YWHAQ: variants seen among roughly 807,000 people sequenced by gnomAD.
YWHAQ encodes the protein 14-3-3 protein theta.
YWHAQ carries 6 observed loss-of-function variants against 28.3 expected under a neutral mutation model. The ratio of observed to expected loss-of-function variants is 0.21; its 90% CI spans 0.12 to 0.42. YWHAQ has a LOEUF of 0.42. Among genes scored for constraint, YWHAQ ranks in the 10% least tolerant of loss-of-function variants. YWHAQ has a pLI of 1.00. For missense variants in YWHAQ, 201 were observed against 305.6 expected (o/e 0.66, Z 2.55); for synonymous variants, 143 against 119.1 (o/e 1.20, Z -1.31).
intron 2 of YWHAQ, among the ~76,000 whole-genome samples, chr2:9,625,978 A>G (rs1156793054): frequency 6.7e-6 from 1 of 149,778 alleles, no homozygotes; most frequent in Non-Finnish European, 1.5e-5. Context: ...GTCTTACTAA[A>G]AAATAATGAG....
chr2:9,607,928 G>A (rs1315038879), intron 2 of YWHAQ, among the ~76,000 whole-genome samples: 1 of 151,438 alleles, frequency 6.6e-6, no homozygotes, highest in African/African-American at 2.4e-5. Flanking sequence ...AGCCAGGCTG[G>A]TCTCGAACTC....
intron 3 of YWHAQ, among the ~76,000 whole-genome samples, chr2:9,590,384 C>T (rs1004901786): frequency 1.1e-4 from 17 of 152,136 alleles, no homozygotes; most frequent in African/African-American, 4.1e-4. Context: ...TACAAGTTCT[C>T]TTTATATATT....
intron 2 of YWHAQ, among the ~76,000 whole-genome samples, chr2:9,621,793 C>G (rs939800879): frequency 3.9e-5 from 6 of 152,084 alleles, no homozygotes; most frequent in African/African-American, 1.4e-4. Flanking sequence ...AACCCAAATG[C>G]CCATCAACGA....
intron 2 of YWHAQ, among the ~76,000 whole-genome samples, chr2:9,598,159 T>C (rs976475321): frequency 6.6e-6 from 1 of 152,148 alleles, no homozygotes; most frequent in Non-Finnish European, 1.5e-5. Flanking sequence ...CCAATGCGAC[T>C]GATCCTATAT....
chr2:9,586,926 A>G (rs1666354111), intron 5 of YWHAQ, among the ~76,000 whole-genome samples: 1 of 152,094 alleles, frequency 6.6e-6, no homozygotes. Context: ...GAAAAAGACA[A>G]ACAAAACAGA....
intron 2 of YWHAQ, among the ~76,000 whole-genome samples, chr2:9,607,094 T>C (rs1409349770): frequency 6.6e-6 from 1 of 152,058 alleles, no homozygotes; most frequent in African/African-American, 2.4e-5. Context: ...ATGTTGGTCA[T>C]GCTGGTCTCG....
chr2:9,586,877 A>G (rs1666352924), intron 5 of YWHAQ, among the ~76,000 whole-genome samples: 1 of 152,156 alleles, frequency 6.6e-6, no homozygotes, highest in African/African-American at 2.4e-5. Flanking sequence ...CTTTTTCTTG[A>G]TTACTTCCTT....
At chr2:9,603,270 AT>A (rs149708531) in intron 2 of YWHAQ, among the ~76,000 whole-genome samples, 63,993 of 128,552 alleles carry the variant, frequency 0.5, 16,054 homozygotes, top group African/African-American at 0.72. Context: ...TCTCCCTTGA[AT>A]TTTTTTTTTT....
intron 2 of YWHAQ, chr2:9,628,765 C>A (rs929914863): frequency 3.9e-5 from 6 of 152,144 alleles, no homozygotes; most frequent in Non-Finnish European, 7.4e-5. Flanking sequence ...ACAAGTGCTT[C>A]TTCAATGCCA....
intron 4 of YWHAQ, among the ~76,000 whole-genome samples, chr2:9,587,871 A>T (rs998849611): frequency 6.6e-6 from 1 of 152,154 alleles, no homozygotes; most frequent in Non-Finnish European, 1.5e-5. Flanking sequence ...CTAGTAACCA[A>T]ACCTGGCAGG....
chr2:9,609,295 T>TA (rs757915759), intron 2 of YWHAQ, among the ~76,000 whole-genome samples: 93 of 148,570 alleles, frequency 6.3e-4, no homozygotes, highest in African/African-American at 1.8e-3. Context: ...GCTTTTAGAA[T>TA]AAAAAAAAAT....
rs142067524 is a variant in YWHAQ at position 9,618,414 on chromosome 2, T to C, written c.294+11745A>G. On this transcript the variant is annotated intron_variant, in intron 2 of 5. Transcript: ENST00000238081. The stretch of plus-strand genomic sequence containing the variant: ...CTTAAGGAAAGGAGATAAGTTTCCT[T>C]AGAGAAATTAATTCTAAAGAGGGAA... 2.2e-3 allele frequency among the ~76,000 whole-genome samples: 334 copies of C among 152,332 alleles called. 2 individuals carry two copies. The highest frequency in any genetic ancestry group is 7.7e-3 in the African/African-American group (319 of 41,578).
chr2:9,624,602 A>T (rs1015775959), intron 2 of YWHAQ, among the ~76,000 whole-genome samples: 9 of 152,118 alleles, frequency 5.9e-5, no homozygotes, highest in African/African-American at 2.2e-4. Context: ...TCTACCCACT[A>T]GACGTGAGCA....
At chr2:9,598,020 G>C (rs193289982) in intron 2 of YWHAQ, among the ~76,000 whole-genome samples, 1 of 89,420 alleles carries the variant, frequency 1.1e-5, no homozygotes, top group East Asian at 2.7e-4. Context: ...TTTTAGTAGA[G>C]ACAAGGTTTC....
chr2:9,597,172 T>C (rs895420081), intron 2 of YWHAQ, among the ~76,000 whole-genome samples: 3 of 152,206 alleles, frequency 2.0e-5, no homozygotes, highest in Non-Finnish European at 4.4e-5. Context: ...TTTATGACTA[T>C]ACCTGTTAGA....
chr2:9,588,685 C>T (rs573244907), intron 3 of YWHAQ, among the ~76,000 whole-genome samples: 18 of 152,128 alleles, frequency 1.2e-4, no homozygotes, highest in Non-Finnish European at 2.2e-4. Context: ...GCATGAGAAT[C>T]GCTTGAACCT....
chr2:9,611,872 T>C (rs1666956231), intron 2 of YWHAQ, among the ~76,000 whole-genome samples: 1 of 152,236 alleles, frequency 6.6e-6, no homozygotes, highest in African/African-American at 2.4e-5. Context: ...TTTGGCCATG[T>C]TGGCCAGGCT....
At chr2:9,622,031 T>C (rs1271863324) in intron 2 of YWHAQ, among the ~76,000 whole-genome samples, 1 of 152,102 alleles carries the variant, frequency 6.6e-6, no homozygotes, top group Non-Finnish European at 1.5e-5. Flanking sequence ...CAGCGGGGAC[T>C]GTCAGGGCGT....
chr2:9,618,124 G>A (rs939489277), intron 2 of YWHAQ, among the ~76,000 whole-genome samples: 4 of 152,142 alleles, frequency 2.6e-5, no homozygotes, highest in Non-Finnish European at 5.9e-5. Context: ...GATAGTGAAT[G>A]ACTATTAATG....
Sources: allele counts gnomAD v4.1 joint callset (sites outside exome capture counted in the v4.1 genomes callset), GRCh38; gene constraint gnomAD v4.1.1; transcripts MANE v1.5; gene names NCBI Gene and HGNC (gene_info 2026-07-23, HGNC 2026-07-21).